Variants in MAP3K7CL observed in about 807,000 individuals in gnomAD.
MAP3K7CL encodes the protein MAP3K7 C-terminal-like protein.
Under a neutral mutation model 18.6 loss-of-function variants are expected in MAP3K7CL, and 16 were observed. The ratio of observed to expected loss-of-function variants is 0.86; its 90% CI spans 0.58 to 1.31. The LOEUF is 1.31. Ranked by LOEUF, MAP3K7CL falls within the 50% of genes most tolerant of loss-of-function variation. The pLI is 0.00. For synonymous variants in MAP3K7CL, 65 were observed against 66.8 expected, an observed-to-expected ratio of 0.97 and a Z score of 0.13; for missense variants, 163 against 174.4, an observed-to-expected ratio of 0.93 and a Z score of 0.37.
At chr21:29,120,309 A>G (rs1014063975) in intron 4 of MAP3K7CL, among the ~76,000 whole-genome samples, 1 of 152,174 alleles carries the variant, frequency 6.6e-6, no homozygotes, top group African/African-American at 2.4e-5. Flanking sequence ...TACAAAGGCA[A>G]TTTGAGCCAT....
intron 2 of MAP3K7CL, among the ~76,000 whole-genome samples, 174 bp downstream of exon 2, chr21:29,133,588 G>T (rs73192195): frequency 0.17 from 26,452 of 152,152 alleles, 2,667 homozygotes; most frequent in South Asian, 0.23. Context: ...AATGCCTCTA[G>T]TGATGCTTTC....
chr21:29,082,908 T>TA (rs1430826989), upstream of MAP3K7CL, among the ~76,000 whole-genome samples: 7 of 152,118 alleles, frequency 4.6e-5, no homozygotes, highest in African/African-American at 1.7e-4. Flanking sequence ...TTACTTAAAT[T>TA]AAGGTGTCAT....
At chr21:29,135,147 G>A (rs979515990) in intron 2 of MAP3K7CL, among the ~76,000 whole-genome samples, 1 of 152,146 alleles carries the variant, frequency 6.6e-6, no homozygotes, top group African/African-American at 2.4e-5. Context: ...AGACCACACT[G>A]TTTGTAGGTA....
At chr21:29,120,207 C>T (rs1235018813) in intron 4 of MAP3K7CL, among the ~76,000 whole-genome samples, 1 of 151,134 alleles carries the variant, frequency 6.6e-6, no homozygotes, top group Non-Finnish European at 1.5e-5. Context: ...AGACAGAGTC[C>T]TGCAATCTAT....
chr21:29,082,999 G>A (rs1482007353), upstream of MAP3K7CL, among the ~76,000 whole-genome samples: 1 of 151,854 alleles, frequency 6.6e-6, no homozygotes. Flanking sequence ...AAAAACTCTA[G>A]CTAAACATTA....
intron 2 of MAP3K7CL, among the ~76,000 whole-genome samples, chr21:29,144,091 T>C (rs2087070680): frequency 6.6e-6 from 1 of 152,146 alleles, no homozygotes; most frequent in African/African-American, 2.4e-5. Context: ...TTGAATCATC[T>C]TCACTAGCTA....
chr21:29,165,487 C>T (rs1045334468), intron 4 of MAP3K7CL, among the ~76,000 whole-genome samples: 2 of 152,170 alleles, frequency 1.3e-5, no homozygotes, highest in African/African-American at 2.4e-5. Flanking sequence ...TCACTCCTCT[C>T]CCACCCTTTC....
intron 2 of MAP3K7CL, among the ~76,000 whole-genome samples, chr21:29,135,336 A>G (rs1199924718): frequency 6.6e-6 from 1 of 152,184 alleles, no homozygotes; most frequent in Non-Finnish European, 1.5e-5. Flanking sequence ...AGCTCTCAAG[A>G]CACACGCGTG....
chr21:29,130,491 G>A, upstream of MAP3K7CL: 1 of 572,752 alleles, frequency 1.7e-6, no homozygotes, highest in African/African-American at 2.0e-5. Context: ...GGGTCACGCT[G>A]AAGACATTCC....
intron 4 of MAP3K7CL, among the ~76,000 whole-genome samples, chr21:29,103,036 A>G (rs1279094319): frequency 6.6e-6 from 1 of 152,230 alleles, no homozygotes; most frequent in African/African-American, 2.4e-5. Flanking sequence ...AGCTGCTCCC[A>G]GATTCTTGAC....
intron 4 of MAP3K7CL, among the ~76,000 whole-genome samples, chr21:29,107,837 G>A (rs931049233): frequency 1.3e-5 from 2 of 152,158 alleles, no homozygotes; most frequent in Admixed American, 6.6e-5. Flanking sequence ...GAAAATAACT[G>A]ATATGGAAAT....
At chr21:29,148,927 CCTT>C (rs2087205926) in intron 2 of MAP3K7CL, among the ~76,000 whole-genome samples, 1 of 152,154 alleles carries the variant, frequency 6.6e-6, no homozygotes, top group Admixed American at 6.5e-5. Flanking sequence ...GACAAGCAGT[CCTT>C]CTTAATTGGA....
At chr21:29,124,457 T>C (rs1416656800) in intron 4 of MAP3K7CL, among the ~76,000 whole-genome samples, 1 of 150,472 alleles carries the variant, frequency 6.6e-6, no homozygotes, top group Non-Finnish European at 1.5e-5. Flanking sequence ...ATAAATAAAA[T>C]ATTTAGATAA....
intron 2 of MAP3K7CL, 65 bp downstream of exon 2, chr21:29,133,479 T>C: frequency 8.0e-7 from 1 of 1,245,384 alleles, no homozygotes; most frequent in Non-Finnish European, 1.1e-6. Context: ...TCTTTTCTAA[T>C]GCCACGCCTC....
intron 2 of MAP3K7CL, among the ~76,000 whole-genome samples, chr21:29,147,485 T>C (rs2087159474): frequency 6.6e-6 from 1 of 151,944 alleles, no homozygotes; most frequent in Admixed American, 6.5e-5. Context: ...ATTGTATCTG[T>C]ACTGTATACA....
upstream of MAP3K7CL, among the ~76,000 whole-genome samples, chr21:29,127,043 G>A (rs111725239): frequency 1.1e-4 from 16 of 152,256 alleles, no homozygotes; most frequent in African/African-American, 3.6e-4. Context: ...CCTGGGAATG[G>A]GTATTTTTTA....
chr21:29,083,634 G>C (rs2085873928), upstream of MAP3K7CL, among the ~76,000 whole-genome samples: 1 of 152,058 alleles, frequency 6.6e-6, no homozygotes, highest in Non-Finnish European at 1.5e-5. Context: ...TGGAAACTTA[G>C]AGCCAAATGT....
At chr21:29,123,537 T>C (rs560776863) in intron 4 of MAP3K7CL, among the ~76,000 whole-genome samples, 2 of 152,368 alleles carry the variant, frequency 1.3e-5, no homozygotes, top group Non-Finnish European at 2.9e-5. Flanking sequence ...CTCTATAGTT[T>C]CTTTAACAAA....
upstream of MAP3K7CL, among the ~76,000 whole-genome samples, chr21:29,082,926 TTTCACTGAGCTTTTTTTTTTTCTTGAGC>T (rs2085860370): frequency 6.6e-6 from 1 of 152,194 alleles, no homozygotes; most frequent in Admixed American, 6.5e-5. Context: ...CATTTTGATG[TTTCACTGAGCTTTTTTTTTTTCTTGAGC>T]CACCACAGCA....
Sources: gnomAD v4.1 joint callset for allele counts (sites outside exome capture counted in the v4.1 genomes callset) on GRCh38, gnomAD v4.1.1 for gene constraint, MANE v1.5 for transcripts, NCBI Gene and HGNC (gene_info 2026-07-23, HGNC 2026-07-21) for gene names.